Variants in SH3GL3 observed in about 807,000 individuals in gnomAD.
SH3GL3 encodes SH3 domain containing GRB2 like 3, endophilin A3.
In SH3GL3, 33 loss-of-function variants were observed where a neutral mutation model predicts 47.7. The observed-to-expected ratio is 0.69, with a 90% CI of 0.52 to 0.92. The LOEUF (loss-of-function observed/expected upper bound fraction) is 0.92, where lower values mean the gene tolerates loss of function less well. Ranked by LOEUF, SH3GL3 falls within the 40% of genes least tolerant of loss-of-function variation. The probability of loss-of-function intolerance (pLI) is 0.00; values close to 1 mark genes in which losing one functional copy is unlikely to be tolerated. For synonymous variants in SH3GL3, 155 were observed against 148.8 expected, an observed-to-expected ratio of 1.04 and a Z score of -0.30; for missense variants, 363 against 417.8, an observed-to-expected ratio of 0.87 and a Z score of 1.14.
chr15:83,554,238 A>C (rs1008988678), intron 1 of SH3GL3, among the ~76,000 whole-genome samples: 1 of 151,666 alleles, frequency 6.6e-6, no homozygotes, highest in African/African-American at 2.4e-5. Context: ...CCCAGACTGG[A>C]GTGCAATGGC....
chr15:83,583,297 C>T (rs1015686891), intron 6 of SH3GL3, among the ~76,000 whole-genome samples: 2 of 152,188 alleles, frequency 1.3e-5, no homozygotes, highest in African/African-American at 4.8e-5. Context: ...CCCGGCTGCT[C>T]ACCAAGTCCC....
At chr15:83,569,283 CT>C (rs1331207872) in intron 4 of SH3GL3, among the ~76,000 whole-genome samples, 2 of 152,246 alleles carry the variant, frequency 1.3e-5, no homozygotes, top group African/African-American at 4.8e-5. Context: ...TACATATACT[CT>C]TTGGTAACAC....
At chr15:83,451,071 T>C (rs1032499470) in intron 1 of SH3GL3, among the ~76,000 whole-genome samples, 2 of 107,562 alleles carry the variant, frequency 1.9e-5, no homozygotes, top group African/African-American at 3.5e-5. Flanking sequence ...TTTTTTGTTC[T>C]TGCGATAGTT....
At chr15:83,632,632 T>C in the SH3GL3 span, among the ~76,000 whole-genome samples, 1 of 152,148 alleles carries the variant, frequency 6.6e-6, no homozygotes, top group Non-Finnish European at 1.5e-5. Context: ...GAAGGAGAAG[T>C]ATGAGTGAAG....
Position 83,559,273 on chromosome 15 carries a change from T to G in SH3GL3, c.66T>G (p.Ser22Arg), listed in dbSNP as rs754427453. 5.1e-6 allele frequency: 8 copies of G among 1,583,044 alleles called. No individual in the cohort carries two copies. The highest frequency in any genetic ancestry group is 6.9e-6 in the Non-Finnish European group (8 of 1,151,658). ...KASQLFSEKI[S>R]GAEGTKLDDE... ...TGCAGCTATTTAGTGAAAAAATAAGTGGTGCTGAAGGAACTAAACTAGACG... is the reference window on the plus strand; with the variant it reads ...TGCAGCTATTTAGTGAAAAAATAAGGGGTGCTGAAGGAACTAAACTAGACG... The change falls in exon 2 of 9, where the codon AGT becomes AGG. Residue 22 changes from serine to arginine, a missense_variant. By Grantham distance (110) the Ser-to-Arg change is moderately radical (BLOSUM62 -1). Transcript: ENST00000427482.
intron 1 of SH3GL3, among the ~76,000 whole-genome samples, chr15:83,497,070 A>T (rs567364764): frequency 6.6e-6 from 1 of 152,198 alleles, no homozygotes; most frequent in East Asian, 1.9e-4. Flanking sequence ...TCTCTGCTAT[A>T]CAGGGTCTGC....
rs2151480581 is a variant in SH3GL3, at chr15:83,448,091, C to T, written c.45+513C>T. On this transcript the variant is annotated intron_variant, in intron 1 of 8. Coordinates refer to ENST00000427482, the MANE Select transcript of SH3GL3 (RefSeq NM_003027.5). This position sits in a 1 kb window ranked among gnomAD's most constrained non-coding sequence, Gnocchi z 4.2. ...CGCGCGCGCATCGAAATGGCCCCGT[C>T]TGGACTGTGCCCGGCTCCCCGGCTG... Among the ~76,000 whole-genome samples the T allele has an allele frequency of 6.6e-6, 1 of 152,300 alleles. No individual in the cohort carries two copies.
intron 1 of SH3GL3, among the ~76,000 whole-genome samples, chr15:83,535,341 A>G (rs1424414599): frequency 2.0e-5 from 3 of 152,216 alleles, no homozygotes; most frequent in African/African-American, 7.2e-5. Context: ...AGAATGACGT[A>G]CATTAATTTT....
At chr15:83,562,630 A>G (rs191944908) in intron 2 of SH3GL3, among the ~76,000 whole-genome samples, 31 of 152,312 alleles carry the variant, frequency 2.0e-4, no homozygotes, top group African/African-American at 6.3e-4. Context: ...TTGAGGTTGC[A>G]TTAATTAACA....
intron 1 of SH3GL3, among the ~76,000 whole-genome samples, chr15:83,542,063 T>A (rs553956787): frequency 6.6e-6 from 1 of 152,308 alleles, no homozygotes; most frequent in South Asian, 2.1e-4. Context: ...TCCTGGAGAG[T>A]TCTCCCAATG....
In SH3GL3 at chr15:83,448,296, G is replaced by A. The variant is rs935379555; in HGVS notation, c.45+718G>A. ...AGAGGATGACAAATAACACAGTGGG[G>A]GCGTCAGGGAGAGCTTCCCGGAGGA... is the stretch of plus-strand genomic sequence containing the variant. On this transcript the variant is annotated intron_variant, in intron 1 of 8. Coordinates refer to ENST00000427482, the MANE Select transcript of SH3GL3 (RefSeq NM_003027.5). The surrounding 1 kb of genome is among the most constrained non-coding windows in gnomAD (Gnocchi z 4.2). Among the ~76,000 whole-genome samples, 10 of 152,144 alleles carry A rather than the reference G, an allele frequency of 6.6e-5. No individual in the cohort carries two copies. The highest frequency in any genetic ancestry group is 6.5e-4 in the Admixed American group (10 of 15,282).
chr15:83,463,345 C>A (rs907339002), intron 1 of SH3GL3, among the ~76,000 whole-genome samples: 7 of 151,768 alleles, frequency 4.6e-5, no homozygotes, highest in Non-Finnish European at 1.0e-4. Flanking sequence ...TGGCTTTGAG[C>A]TTCTGGAAAA....
chr15:83,564,197 T>C lies in SH3GL3; in HGVS notation c.115-937T>C, dbSNP rs1402393138. Among the ~76,000 whole-genome samples, 3 of 152,156 alleles carry C rather than the reference T, an allele frequency of 2.0e-5. No individual in the cohort carries two copies. The East Asian group carries it at 5.8e-4, about 29-fold the overall frequency. On this transcript the variant is annotated intron_variant, in intron 2 of 8. Coordinates refer to ENST00000427482, the MANE Select transcript of SH3GL3 (RefSeq NM_003027.5). ...AGGTTGATATTTTTAATCATGTATATAGTATGAAGACTCACTTTACTATCA... is the reference window on the plus strand; with the variant it reads ...AGGTTGATATTTTTAATCATGTATACAGTATGAAGACTCACTTTACTATCA...
intron 8 of SH3GL3, among the ~76,000 whole-genome samples, chr15:83,610,152 A>C (rs1488217688): frequency 6.6e-6 from 1 of 152,178 alleles, no homozygotes; most frequent in Non-Finnish European, 1.5e-5. Context: ...AAGGCCTGGG[A>C]GCATCCTGAG....
chr15:83,625,845 T>TTTG, the SH3GL3 span, among the ~76,000 whole-genome samples: 3 of 148,844 alleles, frequency 2.0e-5, no homozygotes, highest in African/African-American at 7.8e-5. Flanking sequence ...TGTTTGTTTG[T>TTTG]TTTTTGAGAT....
At chr15:83,471,321 C>T (rs558316318) in intron 1 of SH3GL3, among the ~76,000 whole-genome samples, 1 of 152,218 alleles carries the variant, frequency 6.6e-6, no homozygotes, top group Non-Finnish European at 1.5e-5. Flanking sequence ...GCCACTTTCT[C>T]CTGGCTTTTG....
chr15:83,566,386 G>C (rs1458028184), intron 3 of SH3GL3, among the ~76,000 whole-genome samples: 1 of 151,880 alleles, frequency 6.6e-6, no homozygotes. Context: ...GTGTGTGTGT[G>C]TGTGTGTGTG....
intron 1 of SH3GL3, among the ~76,000 whole-genome samples, chr15:83,474,357 C>G (rs1391876691): frequency 1.3e-5 from 2 of 152,144 alleles, no homozygotes; most frequent in Non-Finnish European, 2.9e-5. Flanking sequence ...TGCCTAGATC[C>G]TCTTGATTTT....
intron 1 of SH3GL3, among the ~76,000 whole-genome samples, chr15:83,513,988 A>AT (rs919018040): frequency 5.3e-5 from 8 of 151,998 alleles, no homozygotes; most frequent in African/African-American, 1.5e-4. Context: ...GTCCATGAGG[A>AT]TTTTTTCCAT....
Sources: allele counts gnomAD v4.1 joint callset (sites outside exome capture counted in the v4.1 genomes callset), GRCh38; gene constraint gnomAD v4.1.1; non-coding constraint Gnocchi (gnomAD v3.1); transcripts MANE v1.5; gene names NCBI Gene and HGNC (gene_info 2026-07-23, HGNC 2026-07-21).